The following GALNTL6 variants were observed in gnomAD, a reference collection of about 807,000 sequenced individuals.
GALNTL6 encodes polypeptide N-acetylgalactosaminyltransferase-like 6.
Under a neutral mutation model 73.7 loss-of-function variants are expected in GALNTL6, and 46 were observed. The observed-to-expected ratio is 0.62, with a 90% CI of 0.49 to 0.80. The LOEUF (loss-of-function observed/expected upper bound fraction) is 0.80. Among genes scored for constraint, GALNTL6 ranks in the 30% least tolerant of loss-of-function variants. The probability of loss-of-function intolerance (pLI) is 0.00; values close to 1 mark genes in which losing one functional copy is unlikely to be tolerated. For missense variants in GALNTL6, 604 were observed against 755.0 expected, an observed-to-expected ratio of 0.80 and a Z score of 2.34; for synonymous variants, 259 against 263.7, an observed-to-expected ratio of 0.98 and a Z score of 0.17.
chr4:172,123,176 C>A (rs1215411847), intron 2 of GALNTL6, among the ~76,000 whole-genome samples: 1 of 152,104 alleles, frequency 6.6e-6, no homozygotes, highest in Admixed American at 6.5e-5. Context: ...TGAAGCTGGG[C>A]ATTCTATGCT....
intron 2 of GALNTL6, among the ~76,000 whole-genome samples, chr4:172,066,791 T>C (rs1273515402): frequency 1.3e-5 from 2 of 152,156 alleles, no homozygotes; most frequent in Non-Finnish European, 2.9e-5. Context: ...TAAACCTTGC[T>C]AGTTTGTTTT....
At chr4:172,115,418 G>A (rs1732960646) in intron 2 of GALNTL6, among the ~76,000 whole-genome samples, 1 of 152,132 alleles carries the variant, frequency 6.6e-6, no homozygotes, top group African/African-American at 2.4e-5. Context: ...TGAAGATGAT[G>A]TAAAATTGAT....
intron 8 of GALNTL6, among the ~76,000 whole-genome samples, chr4:172,884,772 A>C (rs942558446): frequency 6.6e-6 from 1 of 152,158 alleles, no homozygotes; most frequent in Non-Finnish European, 1.5e-5. Context: ...CTAAGTCTTT[A>C]ATCTATTTTC....
intron 5 of GALNTL6, among the ~76,000 whole-genome samples, chr4:172,715,411 A>G (rs1328608498): frequency 6.6e-6 from 1 of 152,242 alleles, no homozygotes; most frequent in Admixed American, 6.5e-5. Flanking sequence ...AGCATAAAAG[A>G]GTGCAGGTTC....
intron 2 of GALNTL6, among the ~76,000 whole-genome samples, chr4:172,179,878 C>G (rs2110849951): frequency 6.6e-6 from 1 of 152,258 alleles, no homozygotes; most frequent in Non-Finnish European, 1.5e-5. Flanking sequence ...CAAGTCTTTG[C>G]TATTGTGAAC....
chr4:172,748,558 T>C (rs1560924892), intron 5 of GALNTL6, among the ~76,000 whole-genome samples: 1 of 152,050 alleles, frequency 6.6e-6, no homozygotes, highest in Non-Finnish European at 1.5e-5. Flanking sequence ...TCTAAAAATG[T>C]TGAACTTACA....
chr4:172,708,947 T>A (rs899787484), intron 5 of GALNTL6, among the ~76,000 whole-genome samples: 3 of 152,188 alleles, frequency 2.0e-5, no homozygotes, highest in African/African-American at 7.2e-5. Flanking sequence ...TTTGAAGGCA[T>A]TTTATCTTTT....
chr4:172,517,153 G>A (rs1734634825), intron 5 of GALNTL6, among the ~76,000 whole-genome samples: 3 of 152,074 alleles, frequency 2.0e-5, no homozygotes, highest in Non-Finnish European at 4.4e-5. Context: ...ACACTTCAGA[G>A]GGTTAACATG....
chr4:172,022,663 T>C (rs1741442209), intron 2 of GALNTL6, among the ~76,000 whole-genome samples: 1 of 152,120 alleles, frequency 6.6e-6, no homozygotes, highest in East Asian at 1.9e-4. Context: ...TGTCCTGCAA[T>C]GTCTTGTCTG....
intron 2 of GALNTL6, among the ~76,000 whole-genome samples, chr4:172,088,415 C>T (rs915599646): frequency 1.3e-5 from 2 of 152,026 alleles, no homozygotes; most frequent in African/African-American, 4.8e-5. Context: ...AAGGAAATTA[C>T]AGAAAAATGA....
intron 2 of GALNTL6, among the ~76,000 whole-genome samples, chr4:172,221,589 G>C (rs1429435341): frequency 1.3e-5 from 2 of 151,410 alleles, no homozygotes; most frequent in Non-Finnish European, 3.0e-5. Flanking sequence ...TCACCCTTAG[G>C]AATCACAAAG....
intron 5 of GALNTL6, among the ~76,000 whole-genome samples, chr4:172,657,920 G>T (rs1332590217): frequency 6.7e-6 from 1 of 149,208 alleles, no homozygotes; most frequent in Non-Finnish European, 1.5e-5. Flanking sequence ...GGAGGCCGAG[G>T]CAGGCGGATC....
chr4:172,539,108 G>T (rs546462728), intron 5 of GALNTL6, among the ~76,000 whole-genome samples: 2 of 152,226 alleles, frequency 1.3e-5, no homozygotes, highest in African/African-American at 4.8e-5. Context: ...CTTGGGCTAG[G>T]ATAAATGGCC....
intron 5 of GALNTL6, among the ~76,000 whole-genome samples, chr4:172,516,077 C>A (rs1734598721): frequency 6.6e-6 from 1 of 152,122 alleles, no homozygotes; most frequent in African/African-American, 2.4e-5. Flanking sequence ...TTCAAGTACC[C>A]AGTACCTTTA....
At chr4:172,586,960 C>A (rs947939443) in intron 5 of GALNTL6, among the ~76,000 whole-genome samples, 10 of 152,138 alleles carry the variant, frequency 6.6e-5, no homozygotes, top group African/African-American at 2.4e-4. Flanking sequence ...TTAATGAAGT[C>A]TTTTAACAGT....
chr4:171,951,523 A>G (rs381527), intron 2 of GALNTL6, among the ~76,000 whole-genome samples: 77,778 of 151,376 alleles, frequency 0.51, 20,649 homozygotes, highest in East Asian at 0.66. Flanking sequence ...AATTTAAAAT[A>G]CTAAAAAATA....
chr4:172,775,885 C>A (rs897918031), intron 5 of GALNTL6, among the ~76,000 whole-genome samples: 2 of 152,116 alleles, frequency 1.3e-5, no homozygotes, highest in African/African-American at 4.8e-5. Context: ...TTTTGGCAGC[C>A]TCTAGGAACT....
chr4:172,016,242 G>C (rs1173827771), intron 2 of GALNTL6, among the ~76,000 whole-genome samples: 2 of 151,822 alleles, frequency 1.3e-5, no homozygotes, highest in Non-Finnish European at 2.9e-5. Context: ...AAGTTTCTTG[G>C]AGGTGTTGTT....
At chr4:172,729,962 G>T (rs1182591298) in intron 5 of GALNTL6, among the ~76,000 whole-genome samples, 2 of 151,824 alleles carry the variant, frequency 1.3e-5, no homozygotes, top group African/African-American at 4.8e-5. Flanking sequence ...TGGTTAGATT[G>T]GTTCCTAAGC....
Sources: gnomAD v4.1 joint callset for allele counts (sites outside exome capture counted in the v4.1 genomes callset) on GRCh38, gnomAD v4.1.1 for gene constraint, MANE v1.5 for transcripts, NCBI Gene and HGNC (gene_info 2026-07-23, HGNC 2026-07-21) for gene names.